FGGY: variants seen among roughly 807,000 people sequenced by gnomAD.
FGGY encodes FGGY carbohydrate kinase domain containing.
FGGY carries 72 observed loss-of-function variants against 71.3 expected under a neutral mutation model. The ratio of observed to expected loss-of-function variants is 1.01; its 90% confidence interval spans 0.84 to 1.23. The LOEUF is 1.23. Among genes scored for constraint, FGGY ranks in the 50% most tolerant of loss-of-function variants. The pLI is 0.00. For missense variants in FGGY, 668 were observed against 682.3 expected (o/e 0.98, Z 0.23); for synonymous variants, 251 against 250.3 (o/e 1.00, Z -0.02).
chr1:59,728,419 A>G (rs1208839609), intron 14 of FGGY, among the ~76,000 whole-genome samples: 1 of 152,058 alleles, frequency 6.6e-6, no homozygotes, highest in African/African-American at 2.4e-5. Context: ...TACTTTAAAC[A>G]TATAATTATA....
At chr1:59,373,014 C>A (rs914741767) in intron 4 of FGGY, among the ~76,000 whole-genome samples, 7 of 152,100 alleles carry the variant, frequency 4.6e-5, no homozygotes, top group African/African-American at 1.7e-4. Flanking sequence ...CAGGGATGCC[C>A]TCTCTCACCA....
intron 11 of FGGY, among the ~76,000 whole-genome samples, chr1:59,645,046 T>C (rs77050043): frequency 0.046 from 6,992 of 152,298 alleles, 295 homozygotes; most frequent in South Asian, 0.19. Context: ...GGGATTTTTT[T>C]GGTGGTTATT....
At chr1:59,331,498 C>T (rs578145749) in intron 2 of FGGY, among the ~76,000 whole-genome samples, 2 of 152,256 alleles carry the variant, frequency 1.3e-5, no homozygotes, top group South Asian at 4.2e-4. Flanking sequence ...ACTCTTCCCC[C>T]AGATTTCCAT....
chr1:59,360,751 TAAGAGTG>T (rs993675533), intron 4 of FGGY, among the ~76,000 whole-genome samples: 5 of 152,330 alleles, frequency 3.3e-5, no homozygotes, highest in African/African-American at 1.2e-4. Context: ...GTAAGAAATC[TAAGAGTG>T]AAGGGAAATG....
intron 5 of FGGY, among the ~76,000 whole-genome samples, chr1:59,405,100 T>C (rs1171846666): frequency 1.3e-5 from 2 of 152,236 alleles, no homozygotes; most frequent in Non-Finnish European, 2.9e-5. Flanking sequence ...TGAAATGTTA[T>C]TTGGCCTCTT....
intron 7 of FGGY, among the ~76,000 whole-genome samples, chr1:59,552,782 A>T (rs2095629070): frequency 6.6e-6 from 1 of 152,166 alleles, no homozygotes; most frequent in Non-Finnish European, 1.5e-5. Context: ...CCAGACTGTG[A>T]GCAGGGACTT....
intron 12 of FGGY, among the ~76,000 whole-genome samples, chr1:59,663,182 G>T (rs2097293553): frequency 6.6e-6 from 1 of 152,188 alleles, no homozygotes; most frequent in Non-Finnish European, 1.5e-5. Flanking sequence ...AAGTAGGTGG[G>T]TTTGTTCTCA....
intron 10 of FGGY, among the ~76,000 whole-genome samples, chr1:59,631,525 A>G (rs1408447452): frequency 1.3e-5 from 2 of 152,206 alleles, no homozygotes; most frequent in Non-Finnish European, 2.9e-5. Context: ...AAACAGGCAT[A>G]GCTGTTTTTG....
At chr1:59,705,652 C>G (rs1401475428) in intron 14 of FGGY, among the ~76,000 whole-genome samples, 1 of 152,194 alleles carries the variant, frequency 6.6e-6, no homozygotes, top group African/African-American at 2.4e-5. Context: ...TCATAACCAG[C>G]TTCCTCTACT....
At chr1:59,426,252 C>T (rs2066344253) in intron 5 of FGGY, among the ~76,000 whole-genome samples, 1 of 152,116 alleles carries the variant, frequency 6.6e-6, no homozygotes, top group African/African-American at 2.4e-5. Context: ...GAAGAAATGG[C>T]TCTTCTGGGA....
chr1:59,364,100 G>C (rs755699901), intron 4 of FGGY, among the ~76,000 whole-genome samples: 1 of 152,160 alleles, frequency 6.6e-6, no homozygotes. Flanking sequence ...AAGAAGAAGG[G>C]ACATCTGTGT....
At chr1:59,320,189 A>G (rs2046146803) in intron 1 of FGGY, among the ~76,000 whole-genome samples, 2 of 152,202 alleles carry the variant, frequency 1.3e-5, no homozygotes, top group Admixed American at 6.5e-5. Context: ...AAGGGGGACA[A>G]TTCTGTTGGG....
chr1:59,597,928 T>C (rs993566143), intron 8 of FGGY, among the ~76,000 whole-genome samples: 3 of 152,224 alleles, frequency 2.0e-5, no homozygotes, highest in Non-Finnish European at 2.9e-5. Context: ...ATAGAAGATA[T>C]GGTTCTGACT....
At chr1:59,630,806 G>A (rs1173991742) in intron 10 of FGGY, among the ~76,000 whole-genome samples, 5 of 152,164 alleles carry the variant, frequency 3.3e-5, no homozygotes, top group Non-Finnish European at 7.4e-5. Flanking sequence ...CTCAGTGATG[G>A]AGTCAGAACT....
At chr1:59,555,533 C>A (rs554696527) in intron 8 of FGGY, among the ~76,000 whole-genome samples, 1 of 152,224 alleles carries the variant, frequency 6.6e-6, no homozygotes, top group African/African-American at 2.4e-5. Flanking sequence ...CTCTTAATCA[C>A]TAGGACTGTT....
chr1:59,311,638 A>G lies in FGGY; in HGVS notation c.-14-9898A>G, dbSNP rs191447826. ...GTACCACATTTTCTTTATCCAGTCT[A>G]TCATTGATAAGTATTTGGGTTGGTT... On this transcript the variant is annotated intron_variant, in intron 1 of 15. Coordinates refer to ENST00000303721, the MANE Select transcript of FGGY (RefSeq NM_018291.5). Among the ~76,000 whole-genome samples the G allele has an allele frequency of 5.3e-3, 807 of 152,272 alleles. 6 individuals are homozygous for G. The highest frequency in any genetic ancestry group is 0.018 in the African/African-American group (752 of 41,530).
intron 11 of FGGY, among the ~76,000 whole-genome samples, chr1:59,653,509 C>T (rs559253740): frequency 3.0e-4 from 46 of 152,186 alleles, no homozygotes; most frequent in Middle Eastern, 3.4e-3. Context: ...GGGAGTGACC[C>T]GATTTTCCAG....
chr1:59,457,379 G>T (rs2091811906), intron 6 of FGGY, among the ~76,000 whole-genome samples: 2 of 152,222 alleles, frequency 1.3e-5, no homozygotes, highest in South Asian at 4.1e-4. Context: ...GGGAACTGAG[G>T]CAGGCAGATT....
intron 2 of FGGY, among the ~76,000 whole-genome samples, chr1:59,331,563 C>T (rs557074897): frequency 2.6e-5 from 4 of 152,156 alleles, no homozygotes; most frequent in African/African-American, 9.7e-5. Flanking sequence ...TTGCATCTTG[C>T]ATAGGAACCA....
Sources: allele counts gnomAD v4.1 joint callset (sites outside exome capture counted in the v4.1 genomes callset), GRCh38; gene constraint gnomAD v4.1.1; transcripts MANE v1.5; gene names NCBI Gene and HGNC (gene_info 2026-07-23, HGNC 2026-07-21).